The following WASHC4 variants were observed in gnomAD, a reference collection of about 807,000 sequenced individuals.
The protein encoded by WASHC4 is WASH complex subunit 7.
WASHC4 carries 86 observed loss-of-function variants against 166.6 expected under a neutral mutation model. The ratio of observed to expected loss-of-function variants is 0.52; its 90% CI spans 0.43 to 0.62. The LOEUF (loss-of-function observed/expected upper bound fraction) is 0.62, where lower values mean the gene tolerates loss of function less well. Among genes scored for constraint, WASHC4 ranks in the 20% least tolerant of loss-of-function variants. WASHC4 has a pLI of 0.00. For synonymous variants in WASHC4, 446 were observed against 451.6 expected (o/e 0.99, Z 0.16); for missense variants, 1,262 against 1,382.4 (o/e 0.91, Z 1.38).
intron 5 of WASHC4, among the ~76,000 whole-genome samples, 176 bp downstream of exon 5, chr12:105,115,405 G>A (rs971207907): frequency 6.6e-6 from 1 of 151,938 alleles, no homozygotes; most frequent in African/African-American, 2.4e-5. Flanking sequence ...CAGCAAATTT[G>A]TGATATCTTT....
chr12:105,114,248 A>G lies in WASHC4; in HGVS notation c.234A>G (p.Glu78=), dbSNP rs201563188. Residue 78 remains glutamate (E), a synonymous_variant, in exon 3 of 33, where the codon GAA becomes GAG. Transcript: ENST00000332180. ...LLPYEQSSLL[E]LIKTENKVLN... ...CTTATGAACAGTCCTCTCTTTTGGA[A>G]CTCATAAAGACTGAAAACAAGGTAC... 12 of 1,610,128 alleles carry G rather than the reference A, an allele frequency of 7.5e-6. No individual in the cohort carries two copies. The highest frequency in any genetic ancestry group is 1.3e-5 in the African/African-American group (1 of 74,804).
chr12:105,155,861 A>G (rs1459680213), intron 26 of WASHC4, among the ~76,000 whole-genome samples: 1 of 151,962 alleles, frequency 6.6e-6, no homozygotes, highest in Non-Finnish European at 1.5e-5. Flanking sequence ...AAAAAGCACT[A>G]TACGCTCTAA....
In WASHC4 at chr12:105,140,912, C is replaced by G. The variant is rs1157368021; in HGVS notation, c.1574C>G (p.Ser525Cys). 6.2e-7 allele frequency: 1 copy of G among 1,613,940 alleles called. No homozygotes were observed. Among genetic ancestry groups the G allele is most frequent in the East Asian group, 2.2e-5 (1 of 44,880 alleles). Residue 525 changes from serine (S) to cysteine (C), a missense_variant, in exon 17 of 33, where the codon TCT (serine) becomes TGT (cysteine). Transcript: ENST00000332180. The part of the protein sequence containing the change: ...SISVAKKRVI[S>C]DKKYSEQRLD... ...TTTATTTTTAAGAAAAGAGTGATTT[C>G]TGACAAAAAATACAGCGAACAGCGT...
In WASHC4 at chr12:105,147,096, C is replaced by T; in HGVS notation, c.2464C>T (p.His822Tyr). Residue 822 changes from histidine (H) to tyrosine (Y), a missense_variant, in exon 24 of 33, where the codon CAT becomes TAT. His to Tyr is a moderately conservative substitution (Grantham distance 83, BLOSUM62 2). Transcript: ENST00000332180. ...GCATTTGAATACTATTAATATTCGG[C>T]ATATTGCTAATTCAATTCGAACACA... ...NKHLNTINIRHIANSIRTHGT... is the reference protein window; with the variant it reads ...NKHLNTINIRYIANSIRTHGT... The T allele has an allele frequency of 6.2e-7, 1 of 1,611,572 alleles. No homozygotes were observed. Among genetic ancestry groups the T allele is most frequent in the South Asian group, 1.1e-5 (1 of 91,034 alleles).
intron 18 of WASHC4, 66 bp from the exon 19 acceptor site, chr12:105,142,387 C>A: frequency 1.1e-6 from 1 of 904,062 alleles, no homozygotes; most frequent in South Asian, 1.3e-5. Context: ...TAGTAGATGT[C>A]ATTCCTTTCA....
intron 10 of WASHC4, among the ~76,000 whole-genome samples, chr12:105,123,101 G>T (rs1454089442): frequency 1.3e-5 from 2 of 152,172 alleles, no homozygotes; most frequent in Non-Finnish European, 2.9e-5. Context: ...ATCACGTGAG[G>T]TCAGGAGTTC....
intron 3 of WASHC4, 42 bp downstream of exon 3, chr12:105,114,311 T>G: frequency 6.3e-7 from 1 of 1,597,124 alleles, no homozygotes; most frequent in Non-Finnish European, 8.6e-7. Flanking sequence ...AAAAATGTTT[T>G]AGTTATCTGT....
chr12:105,118,654 C>T, intron 7 of WASHC4, 126 bp downstream of exon 7: 1 of 716,974 alleles, frequency 1.4e-6, no homozygotes, highest in Non-Finnish European at 2.5e-6. Context: ...ATATTTCAAA[C>T]ACTACTTGAT....
intron 25 of WASHC4, among the ~76,000 whole-genome samples, chr12:105,151,844 A>C (rs1472873542): frequency 6.6e-6 from 1 of 152,228 alleles, no homozygotes; most frequent in East Asian, 1.9e-4. Flanking sequence ...CTATTATGTA[A>C]GAATTGCTTT....
In WASHC4 at chr12:105,166,903, C is replaced by T; in HGVS notation, c.3494C>T (p.Thr1165Ile). 1 of 1,606,632 alleles carries T rather than the reference C, an allele frequency of 6.2e-7. No homozygotes were observed. Reference sequence around the variant, plus strand: ...AGCAATGGAGACCTGTCTGACAGCACTGTGTCTGCTGATCCTGTTGTGAAA... The same window carrying T: ...AGCAATGGAGACCTGTCTGACAGCATTGTGTCTGCTGATCCTGTTGTGAAA... Reference protein sequence around the residue: ...KTSNGDLSDSTVSADPVVK With the variant: ...KTSNGDLSDSIVSADPVVK Residue 1165 changes from threonine (T) to isoleucine (I), a missense_variant, in exon 33 of 33, where the codon ACT (threonine) becomes ATT (isoleucine). Thr to Ile is a moderately conservative substitution (Grantham distance 89, BLOSUM62 -1). Transcript: ENST00000332180.
At chr12:105,135,516 T>C (rs961071470) in intron 14 of WASHC4, among the ~76,000 whole-genome samples, 3 of 151,976 alleles carry the variant, frequency 2.0e-5, no homozygotes, top group Admixed American at 2.0e-4. Context: ...CTTTCTTTAC[T>C]TTTTGGCTTT....
At chr12:105,127,366 T>C in intron 13 of WASHC4, 77 bp downstream of exon 13, 3 of 1,003,886 alleles carry the variant, frequency 3.0e-6, no homozygotes, top group Non-Finnish European at 4.7e-6. Context: ...ACTTAATGTA[T>C]AGTACCATTT....
At chr12:105,130,062 A>G (rs1287105010) in intron 13 of WASHC4, among the ~76,000 whole-genome samples, 1 of 152,222 alleles carries the variant, frequency 6.6e-6, no homozygotes, top group Non-Finnish European at 1.5e-5. Flanking sequence ...CATTTTGTAG[A>G]TGAGAAAACC....
rs1345273498 is a variant in WASHC4, at chr12:105,167,488, C to T, written c.*557C>T. The T allele has an allele frequency of 7.2e-5, 11 of 152,770 alleles. No homozygotes were observed. 9.5% of individuals were successfully genotyped at this position (152,770 alleles called of 1,614,324 possible). A position where few individuals can be genotyped will look rare whatever the true frequency, so the allele number is the denominator to read the frequency against. ...GTGTACAGTATAACTGATGATCCTT[C>T]TTTCATTGTTAATTTCATGTGACTC... On this transcript the variant is annotated 3_prime_UTR_variant, in exon 33 of 33. Transcript: ENST00000332180.
chr12:105,141,027 A>T lies in WASHC4; in HGVS notation c.1689A>T (p.Leu563=). The change falls in exon 17 of 33, where the codon CTA becomes CTT. Residue 563 remains leucine (L), a synonymous_variant. Coordinates refer to ENST00000332180, the MANE Select transcript of WASHC4 (RefSeq NM_015275.3). ...GGCGACTTATTGTTTCTTTGGCACT[A>T]AGTGTTGGCACACAAATGGTAAGTG... ...KQRRLIVSLA[L]SVGTQMKTFK... 6.2e-7 allele frequency: 1 copy of T among 1,614,200 alleles called. No individual in the cohort carries two copies. The highest frequency in any genetic ancestry group is 8.5e-7 in the Non-Finnish European group (1 of 1,180,028).
chr12:105,141,298 A>G, intron 18 of WASHC4, 52 bp downstream of exon 18: 2 of 1,212,102 alleles, frequency 1.7e-6, no homozygotes, highest in Middle Eastern at 3.9e-4. Flanking sequence ...GTTAATAGAA[A>G]CATTGATTTT....
chr12:105,139,425 G>GTGTGTGTGTGTGTGTGTATA lies in WASHC4; in HGVS notation c.1453-868_1453-867insGTGTGTGTGTGTGTGTATAT. Among the ~76,000 whole-genome samples, 73 of 103,226 alleles carry GTGTGTGTGTGTGTGTGTATA rather than the reference G, an allele frequency of 7.1e-4. 1 individual carries two copies. Among genetic ancestry groups the GTGTGTGTGTGTGTGTGTATA allele is most frequent in the East Asian group, 4.2e-3 (15 of 3,608 alleles). 67.7% of individuals were successfully genotyped at this position (103,226 alleles called of 152,430 possible). The stretch of plus-strand genomic sequence containing the variant: ...AGACAGACTATATATATGTGTGTGT[G>GTGTGTGTGTGTGTGTGTATA]TATATATATATATATATATATATAT... On this transcript the variant is annotated intron_variant, in intron 15 of 32. Coordinates refer to ENST00000332180, the MANE Select transcript of WASHC4 (RefSeq NM_015275.3).
intron 28 of WASHC4, among the ~76,000 whole-genome samples, chr12:105,157,575 G>A (rs1007081829): frequency 2.0e-5 from 3 of 152,184 alleles, no homozygotes; most frequent in African/African-American, 7.2e-5. Flanking sequence ...ACACTGAGAT[G>A]TGCTCAAGTA....
rs750529570 is a variant in WASHC4, at chr12:105,107,773, G to A, written c.-28G>A. Reference sequence around the variant, plus strand: ...CGTCGTCGCCGCACGGGCTGGTTGGGGCTGTGTCTGTGGGAGGCGCCGGGG... The same window carrying A: ...CGTCGTCGCCGCACGGGCTGGTTGGAGCTGTGTCTGTGGGAGGCGCCGGGG... On this transcript the variant is annotated 5_prime_UTR_variant, in exon 1 of 33. Transcript: ENST00000332180. 7 of 1,538,276 alleles carry A rather than the reference G, an allele frequency of 4.6e-6. No individual in the cohort carries two copies. In the East Asian group the frequency reaches 7.3e-5, roughly 16 times the overall value.
Sources: allele counts gnomAD v4.1 joint callset (sites outside exome capture counted in the v4.1 genomes callset), GRCh38; gene constraint gnomAD v4.1.1; transcripts MANE v1.5; gene names NCBI Gene and HGNC (gene_info 2026-07-23, HGNC 2026-07-21).